FILIP1: variants seen among roughly 807,000 people sequenced by gnomAD.
The protein encoded by FILIP1 is filamin-A-interacting protein 1.
Under a neutral mutation model 102.1 loss-of-function variants are expected in FILIP1, and 61 were observed. That is an observed-to-expected ratio of 0.60 (90% CI 0.49 to 0.74). The LOEUF (loss-of-function observed/expected upper bound fraction) is 0.74, where lower values mean the gene tolerates loss of function less well. Among genes scored for constraint, FILIP1 ranks in the 30% least tolerant of loss-of-function variants. The pLI is 0.00. For synonymous variants in FILIP1, 491 were observed against 526.9 expected, an observed-to-expected ratio of 0.93 and a Z score of 0.93; for missense variants, 1,314 against 1,441.2, an observed-to-expected ratio of 0.91 and a Z score of 1.43.
intron 1 of FILIP1, among the ~76,000 whole-genome samples, chr6:75,431,274 T>C (rs1777814480): frequency 2.6e-5 from 4 of 152,206 alleles, no homozygotes; most frequent in Admixed American, 2.6e-4. Flanking sequence ...TGTCTAAAAT[T>C]TAAGATGTAC....
intron 1 of FILIP1, among the ~76,000 whole-genome samples, chr6:75,492,666 T>TAC (rs1779998517): frequency 2.6e-5 from 4 of 152,288 alleles, no homozygotes; most frequent in South Asian, 4.1e-4. Context: ...AACACATTCA[T>TAC]ACACACACAC....
rs1018043369 is a variant in FILIP1 at position 75,471,934 on chromosome 6, T to C, written c.-7+21480A>G. On this transcript the variant is annotated intron_variant, in intron 1 of 5. Coordinates refer to ENST00000237172, the MANE Select transcript of FILIP1 (RefSeq NM_015687.5). ...ACTATTTCTAGAGAGAAGACTAAGA[T>C]AGGGGCATTGGAGAGGGGAATAATC... Among the ~76,000 whole-genome samples the C allele has an allele frequency of 8.5e-5, 13 of 152,196 alleles. No individual in the cohort carries two copies. The East Asian group carries it at 2.5e-3, about 29-fold the overall frequency.
Position 75,375,821 on chromosome 6 carries a change from G to C in FILIP1, c.277-12904C>G, listed in dbSNP as rs61682111. 4.5e-3 allele frequency among the ~76,000 whole-genome samples: 685 copies of C among 152,268 alleles called. 8 individuals carry two copies. Among genetic ancestry groups the C allele is most frequent in the African/African-American group, 0.015 (643 of 41,548 alleles). On this transcript the variant is annotated intron_variant, in intron 2 of 5. Coordinates refer to ENST00000237172, the MANE Select transcript of FILIP1 (RefSeq NM_015687.5). The stretch of plus-strand genomic sequence containing the variant: ...CTATTCATTTTAGCCTCTGACATAA[G>C]TGAATTCTACACTTACACATTTGAC...
At position 75,313,665 on chromosome 6, in the gene FILIP1, C is replaced by T. The variant is rs776109907; in HGVS notation, c.2167G>A (p.Glu723Lys). 8 of 1,573,004 alleles carry T rather than the reference C, an allele frequency of 5.1e-6. No individual in the cohort carries two copies. The highest frequency in any genetic ancestry group is 1.9e-5 in the Admixed American group (1 of 51,606). The change falls in exon 5 of 6, where the codon GAA becomes AAA. Residue 723 changes from glutamate to lysine, a missense_variant. By Grantham distance (56) the Glu-to-Lys change is moderately conservative. Transcript: ENST00000237172. This position sits in a 1 kb window ranked among gnomAD's most constrained non-coding sequence, Gnocchi z 4.2. The part of the protein sequence containing the change: ...EEAKSRDLKA[E>K]VQALKEKIHE... ...ATCTTCTCTTTAAGAGCTTGTACTT[C>T]GGCTTTTAAGTCTCGACTTTTAGCT...
chr6:75,309,225 T>C (rs1773097056), intron 5 of FILIP1, among the ~76,000 whole-genome samples: 2 of 152,220 alleles, frequency 1.3e-5, no homozygotes, highest in African/African-American at 4.8e-5. Context: ...CAGGCAACTT[T>C]ACTCCTACTG....
chr6:75,481,080 C>T (rs1380048318), intron 1 of FILIP1, among the ~76,000 whole-genome samples: 1 of 152,258 alleles, frequency 6.6e-6, no homozygotes, highest in East Asian at 1.9e-4. Flanking sequence ...TTCCCTTTCC[C>T]ACAGCGAGAG....
chr6:75,296,319 T>C (rs1227025058), intron 6 of FILIP1, among the ~76,000 whole-genome samples: 1 of 148,616 alleles, frequency 6.7e-6, no homozygotes, highest in East Asian at 2.0e-4. Flanking sequence ...GTCTGAACAA[T>C]ATTTACACCT....
chr6:75,296,417 G>T (rs1033012281), intron 6 of FILIP1: 13 of 149,270 alleles, frequency 8.7e-5, no homozygotes, highest in African/African-American at 3.0e-4. Context: ...TTATTTCTAA[G>T]TCCATAAATA....
chr6:75,476,240 CAAAAA>C (rs66500271), intron 1 of FILIP1, among the ~76,000 whole-genome samples: 5 of 122,698 alleles, frequency 4.1e-5, no homozygotes, highest in Non-Finnish European at 6.9e-5. Context: ...GACTCCATCT[CAAAAA>C]AAAAAAAAAA....
Position 75,449,229 on chromosome 6 carries a change from T to C in FILIP1, c.-6-34251A>G, listed in dbSNP as rs1465900877. ...TATTCTAAGTGAAGTAACTCAGGAA[T>C]GGAAAACCAAACATCGTATGTTCTC... On this transcript the variant is annotated intron_variant, in intron 1 of 5. Transcript: ENST00000237172. Among the ~76,000 whole-genome samples, 4 of 152,200 alleles carry C rather than the reference T, an allele frequency of 2.6e-5. No homozygotes were observed. In the East Asian group the frequency reaches 7.7e-4, roughly 29 times the overall value.
At chr6:75,456,649 T>A (rs973157290) in intron 1 of FILIP1, among the ~76,000 whole-genome samples, 1 of 150,508 alleles carries the variant, frequency 6.6e-6, no homozygotes, top group African/African-American at 2.4e-5. Flanking sequence ...AACCTCCCCC[T>A]CCTGGGCTCA....
At chr6:75,455,476 A>C (rs924158496) in intron 1 of FILIP1, among the ~76,000 whole-genome samples, 4 of 152,300 alleles carry the variant, frequency 2.6e-5, no homozygotes, top group East Asian at 1.9e-4. Flanking sequence ...AAAGAAGAAA[A>C]ATTTTTAATG....
chr6:75,293,117 C>T (rs1361275122), exon 7 of FILIP1: 3 of 152,134 alleles, frequency 2.0e-5, no homozygotes, highest in Non-Finnish European at 2.9e-5. Context: ...TCATGAAACA[C>T]TCTCTTATCA....
intron 1 of FILIP1, among the ~76,000 whole-genome samples, chr6:75,448,794 A>G (rs907742144): frequency 1.3e-5 from 2 of 152,202 alleles, no homozygotes; most frequent in Non-Finnish European, 2.9e-5. Context: ...ACAGTGTGAT[A>G]CCACCTTACT....
chr6:75,374,113 C>T (rs144286855), intron 2 of FILIP1, among the ~76,000 whole-genome samples: 11 of 152,238 alleles, frequency 7.2e-5, no homozygotes, highest in Admixed American at 6.5e-4. Flanking sequence ...ATTTTTATTA[C>T]GTGGTTTTCT....
At chr6:75,357,464 T>C (rs1425126602) in intron 3 of FILIP1, 2 of 152,140 alleles carry the variant, frequency 1.3e-5, no homozygotes, top group East Asian at 3.8e-4. Flanking sequence ...GCCACTGGAG[T>C]AGGTGGCTGA....
At chr6:75,433,310 C>T (rs1009785135) in intron 1 of FILIP1, among the ~76,000 whole-genome samples, 6 of 152,282 alleles carry the variant, frequency 3.9e-5, no homozygotes, top group African/African-American at 1.4e-4. Flanking sequence ...AAAAGTGTTC[C>T]TATTTCTCCA....
chr6:75,340,907 T>C (rs1450139689), intron 4 of FILIP1, among the ~76,000 whole-genome samples: 1 of 146,728 alleles, frequency 6.8e-6, no homozygotes, highest in Non-Finnish European at 1.5e-5. Flanking sequence ...TTTTGCCATA[T>C]TGGCGAGGCT....
chr6:75,319,193 C>G, intron 4 of FILIP1: 6 of 748,160 alleles, frequency 8.0e-6, no homozygotes, highest in South Asian at 6.9e-5. Context: ...GCAGCAATAT[C>G]CTTTTCTTGT....
Sources: allele counts gnomAD v4.1 joint callset (sites outside exome capture counted in the v4.1 genomes callset), GRCh38; gene constraint gnomAD v4.1.1; non-coding constraint Gnocchi (gnomAD v3.1); transcripts MANE v1.5; gene names NCBI Gene and HGNC (gene_info 2026-07-23, HGNC 2026-07-21).